DLEC1: variants seen among roughly 807,000 people sequenced by gnomAD.
DLEC1 encodes deleted in lung and esophageal cancer protein 1.
In DLEC1, 146 loss-of-function variants were observed where a neutral mutation model predicts 198.1. That is an observed-to-expected ratio of 0.74 (90% CI 0.64 to 0.85). The LOEUF (loss-of-function observed/expected upper bound fraction) is 0.85. DLEC1 is among the 40% of genes least tolerant of loss of function. DLEC1 has a pLI of 0.00. For synonymous variants in DLEC1, 897 were observed against 866.8 expected, an observed-to-expected ratio of 1.03 and a Z score of -0.61; for missense variants, 2,233 against 2,220.0, an observed-to-expected ratio of 1.01 and a Z score of -0.12.
chr3:38,112,495 G>C lies in DLEC1; in HGVS notation c.3666+134G>C. On this transcript the variant is annotated intron_variant, in intron 25 of 36. Coordinates refer to ENST00000308059, the MANE Select transcript of DLEC1 (RefSeq NM_007335.4). This position sits in a 1 kb window ranked among gnomAD's most constrained non-coding sequence, Gnocchi z 4.8. ...CAGGTTGAAACGCGATGCCCACCGA[G>C]CTTGGGATGGGCATTCGTGTCTGAG... 2.3e-6 allele frequency: 3 copies of C among 1,327,330 alleles called. No homozygotes were observed. Among genetic ancestry groups the C allele is most frequent in the Non-Finnish European group, 3.1e-6 (3 of 965,544 alleles). The allele number at this position is 1,327,330 out of a possible 1,614,324, so 82.2% of individuals were successfully genotyped here.
Position 38,100,416 on chromosome 3 carries a change from G to A in DLEC1, c.2855G>A (p.Gly952Asp), listed in dbSNP as rs1185606977. ...GTCCTGGAGCTGGAGGTGGAAAATGGTGCCTGGAGGTAAGGGTGCCGTGGG... is the reference window on the plus strand; with the variant it reads ...GTCCTGGAGCTGGAGGTGGAAAATGATGCCTGGAGGTAAGGGTGCCGTGGG... ...ETVLELEVEN[G>D]AWSYLPVYAE... Residue 952 changes from glycine to aspartate, a missense_variant, in exon 19 of 37, where the codon GGT becomes GAT. Gly to Asp is a moderately conservative substitution (Grantham distance 94, BLOSUM62 -1). Transcript: ENST00000308059. 1.9e-6 allele frequency: 3 copies of A among 1,612,206 alleles called. No homozygotes were observed. The highest frequency in any genetic ancestry group is 2.7e-5 in the African/African-American group (2 of 74,842).
rs1430666579 is a variant in DLEC1, at chr3:38,112,261, A to G, written c.3566A>G (p.His1189Arg). 1.2e-5 allele frequency: 20 copies of G among 1,613,888 alleles called. No individual in the cohort carries two copies. The Admixed American group carries it at 2.5e-4, about 20-fold the overall frequency. The change falls in exon 25 of 37, where the codon CAC becomes CGC. Residue 1189 changes from histidine (H) to arginine (R), a missense_variant. By Grantham distance (29) the His-to-Arg change is conservative. Coordinates refer to ENST00000308059, the MANE Select transcript of DLEC1 (RefSeq NM_007335.4). The surrounding 1 kb of genome is among the most constrained non-coding windows in gnomAD (Gnocchi z 4.8). ...GGGAAAGGAGCTGCTTTCTTCCCTC[A>G]CTTTTCCCAGGGCATGCTGGGGCCC... is the stretch of plus-strand genomic sequence containing the variant. The part of the protein sequence containing the change: ...SHGKGAAFFP[H>R]FSQGMLGPYQ...
Position 38,059,832 on chromosome 3 carries a change from C to T in DLEC1, c.653C>T (p.Pro218Leu), listed in dbSNP as rs375926980. Reference sequence around the variant, plus strand: ...GAAGATTACTACACCGATACAGTGCCGTTTCACTCTGCACCTAAAGGTAAT... The same window carrying T: ...GAAGATTACTACACCGATACAGTGCTGTTTCACTCTGCACCTAAAGGTAAT... ...SPEDYYTDTV[P>L]FHSAPKGISL... The change falls in exon 3 of 37, where the codon CCG (proline) becomes CTG (leucine). Residue 218 changes from proline (P) to leucine (L), a missense_variant. Transcript: ENST00000308059. The T allele has an allele frequency of 8.1e-6, 13 of 1,613,954 alleles. No homozygotes were observed. The highest frequency in any genetic ancestry group is 8.0e-5 in the African/African-American group (6 of 74,924).
At chr3:38,041,213 A>G (rs1700637835) in intron 1 of DLEC1, among the ~76,000 whole-genome samples, 1 of 152,212 alleles carries the variant, frequency 6.6e-6, no homozygotes, top group Admixed American at 6.5e-5. Context: ...TGTGTTAGCC[A>G]GGATGGTCTC....
rs369375330 is a variant in DLEC1 at position 38,117,494 on chromosome 3, C to T, written c.4401-33C>T. 1.4e-5 allele frequency: 22 copies of T among 1,613,828 alleles called. No individual in the cohort carries two copies. The East Asian group carries it at 1.8e-4, about 13-fold the overall frequency. On this transcript the variant is annotated intron_variant, in intron 31 of 36. Coordinates refer to ENST00000308059, the MANE Select transcript of DLEC1 (RefSeq NM_007335.4). ...GGGCAGCCAGAAGGCCCCAGGCGCC[C>T]GGCTTGCCCCAACAATGCCTATTGC...
chr3:38,111,649 T>C (rs1170014364), intron 23 of DLEC1, 28 bp from the exon 24 acceptor site: 3 of 1,609,018 alleles, frequency 1.9e-6, no homozygotes, highest in Non-Finnish European at 1.7e-6. Context: ...TCTGACTTGA[T>C]ACTATTTCTG....
At chr3:38,122,001 G>A (rs1241224439) in intron 35 of DLEC1, 70 bp from the exon 36 acceptor site, 2 of 1,590,688 alleles carry the variant, frequency 1.3e-6, no homozygotes, top group Non-Finnish European at 1.7e-6. Context: ...GCCCGGGGGT[G>A]GGTAAAGTCT....
chr3:38,060,367 G>A (rs996452030), intron 3 of DLEC1, among the ~76,000 whole-genome samples: 5 of 152,186 alleles, frequency 3.3e-5, no homozygotes, highest in African/African-American at 1.2e-4. Flanking sequence ...AGTGGGGTGG[G>A]AGGCTGTGAT....
chr3:38,093,505 G>T (rs1698847638), intron 11 of DLEC1, 100 bp from the exon 12 acceptor site: 1 of 1,420,484 alleles, frequency 7.0e-7, no homozygotes, highest in Admixed American at 1.8e-5. Context: ...TCATGGTCAA[G>T]GCCAGCTGCA....
At chr3:38,103,709 C>T (rs1699420149) in intron 19 of DLEC1, 1 of 152,176 alleles carries the variant, frequency 6.6e-6, no homozygotes, top group South Asian at 2.1e-4. Context: ...TACGACTCTT[C>T]TTTTCACTTG....
In DLEC1 at chr3:38,093,649, G is replaced by GA. The variant is rs766601329; in HGVS notation, c.1807dup (p.Ser603LysfsTer20). Reference sequence around the variant, plus strand: ...TTTGGATCTGATCTATATTTCTGGTGAAAAAAGCCAGCCAGACCCTGGAGA... The same window carrying GA: ...TTTGGATCTGATCTATATTTCTGGTGAAAAAAAGCCAGCCAGACCCTGGAGA... On this transcript the variant is annotated frameshift_variant, in exon 12 of 37. Coordinates refer to ENST00000308059, the MANE Select transcript of DLEC1 (RefSeq NM_007335.4). LOFTEE classifies it high-confidence loss of function. The GA allele has an allele frequency of 1.2e-6, 2 of 1,614,182 alleles. No individual in the cohort carries two copies. The highest frequency in any genetic ancestry group is 1.7e-5 in the Admixed American group (1 of 60,024).
In DLEC1 at chr3:38,116,776, G is replaced by A. The variant is rs777982201; in HGVS notation, c.4066G>A (p.Glu1356Lys). The A allele has an allele frequency of 1.9e-6, 3 of 1,611,906 alleles. No homozygotes were observed. The highest frequency in any genetic ancestry group is 2.7e-5 in the African/African-American group (2 of 74,896). ...EFSHETDSSVEGSSSASNRVA... is the reference protein window; with the variant it reads ...EFSHETDSSVKGSSSASNRVA... ...CTCAGTGATTCCTTGGTGACAGGTT[G>A]AGGGCAGCTCCAGTGCCAGCAATAG... The change falls in exon 29 of 37, where the codon GAG becomes AAG. Residue 1356 changes from glutamate (E) to lysine (K), a missense_variant. Physicochemically the swap from Glu to Lys is moderately conservative, Grantham distance 56. Coordinates refer to ENST00000308059, the MANE Select transcript of DLEC1 (RefSeq NM_007335.4).
intron 19 of DLEC1, among the ~76,000 whole-genome samples, chr3:38,107,178 G>GA (rs907211348): frequency 1.5e-4 from 23 of 148,546 alleles, no homozygotes; most frequent in Non-Finnish European, 2.2e-4. Context: ...GTGAAAACTG[G>GA]AAAAAAAATT....
At chr3:38,107,800 G>C in intron 20 of DLEC1, 63 bp downstream of exon 20, 1 of 1,554,932 alleles carries the variant, frequency 6.4e-7, no homozygotes, top group South Asian at 1.2e-5. Flanking sequence ...CCCACATAGA[G>C]GGGGGCATTG....
At chr3:38,061,249 T>C (rs914710732) in intron 3 of DLEC1, among the ~76,000 whole-genome samples, 2 of 152,176 alleles carry the variant, frequency 1.3e-5, no homozygotes, top group African/African-American at 4.8e-5. Flanking sequence ...TGTGATCTAC[T>C]GCAACCTCTG....
At chr3:38,054,318 C>A (rs1696236217) in intron 2 of DLEC1, among the ~76,000 whole-genome samples, 1 of 152,216 alleles carries the variant, frequency 6.6e-6, no homozygotes, top group South Asian at 2.1e-4. Context: ...TCTCCTGCCT[C>A]CATGAGGGCA....
At chr3:38,078,681 G>T (rs1203846383) in intron 6 of DLEC1, among the ~76,000 whole-genome samples, 1 of 152,192 alleles carries the variant, frequency 6.6e-6, no homozygotes, top group African/African-American at 2.4e-5. Context: ...GAGCCTAATG[G>T]GTGTCAGGGT....
chr3:38,084,535 T>G (rs1559430713), intron 7 of DLEC1, among the ~76,000 whole-genome samples: 12 of 151,422 alleles, frequency 7.9e-5, no homozygotes, highest in South Asian at 2.1e-4. Context: ...GTAGTAGTGG[T>G]GGTGGTAGTA....
intron 2 of DLEC1, among the ~76,000 whole-genome samples, chr3:38,053,751 A>C (rs1429889440): frequency 6.6e-6 from 1 of 152,198 alleles, no homozygotes; most frequent in East Asian, 1.9e-4. Flanking sequence ...TGTTGAATGG[A>C]AAAGGGGGAA....
Sources: allele counts gnomAD v4.1 joint callset (sites outside exome capture counted in the v4.1 genomes callset), GRCh38; gene constraint gnomAD v4.1.1; non-coding constraint Gnocchi (gnomAD v3.1); transcripts MANE v1.5; gene names NCBI Gene and HGNC (gene_info 2026-07-23, HGNC 2026-07-21).